Variants in LIMCH1 observed in about 807,000 individuals in gnomAD.
The protein encoded by LIMCH1 is LIM and calponin homology domains-containing protein 1.
LIMCH1 carries 113 observed loss-of-function variants against 176.5 expected under a neutral mutation model. The observed-to-expected ratio is 0.64, with a 90% CI of 0.55 to 0.75. The LOEUF (loss-of-function observed/expected upper bound fraction) is 0.75. Ranked by LOEUF, LIMCH1 falls within the 30% of genes least tolerant of loss-of-function variation. LIMCH1 has a pLI of 0.00. For missense variants in LIMCH1, 1,674 were observed against 1,814.9 expected (o/e 0.92, Z 1.41); for synonymous variants, 619 against 645.9 (o/e 0.96, Z 0.63).
intron 21 of LIMCH1, among the ~76,000 whole-genome samples, chr4:41,667,260 CTTTATTTTTTTTT>C (rs1262797499): frequency 6.6e-6 from 1 of 151,818 alleles, no homozygotes; most frequent in Non-Finnish European, 1.5e-5. Context: ...TGAGAAAAAG[CTTTATTTTTTTTT>C]ACTCCACAAT....
At chr4:41,528,805 A>G (rs1167219464) in intron 3 of LIMCH1, among the ~76,000 whole-genome samples, 1 of 152,240 alleles carries the variant, frequency 6.6e-6, no homozygotes, top group Non-Finnish European at 1.5e-5. Context: ...TCACATAGCA[A>G]TATCAAATTA....
At chr4:41,531,368 T>C (rs184661961) in intron 3 of LIMCH1, among the ~76,000 whole-genome samples, 219 of 151,920 alleles carry the variant, frequency 1.4e-3, no homozygotes, top group Middle Eastern at 6.8e-3. Flanking sequence ...AGCATTAGAA[T>C]TCTTTACTGG....
chr4:41,584,228 A>G (rs2152694143), intron 1 of LIMCH1, among the ~76,000 whole-genome samples: 1 of 152,312 alleles, frequency 6.6e-6, no homozygotes, highest in East Asian at 1.9e-4. Context: ...TGAAGTATGC[A>G]GAGATGAATC....
intron 1 of LIMCH1, among the ~76,000 whole-genome samples, chr4:41,478,435 A>G (rs1274722906): frequency 1.3e-5 from 2 of 152,168 alleles, no homozygotes; most frequent in Non-Finnish European, 2.9e-5. Flanking sequence ...TATGCTGAGC[A>G]TTTCACCATG....
intron 22 of LIMCH1, among the ~76,000 whole-genome samples, 170 bp from the exon 23 acceptor site, chr4:41,676,212 A>G (rs1490707999): frequency 6.6e-6 from 1 of 152,244 alleles, no homozygotes. Context: ...AAGAGGGACT[A>G]AGATTAAAAA....
intron 4 of LIMCH1, chr4:41,612,462 C>T (rs1162983382): frequency 1.4e-6 from 1 of 692,640 alleles, no homozygotes; most frequent in East Asian, 2.7e-5. Flanking sequence ...ATCCACAGTC[C>T]TAATTTTAAG....
At chr4:41,680,168 G>C in intron 24 of LIMCH1, 70 bp downstream of exon 24, 1 of 1,056,150 alleles carries the variant, frequency 9.5e-7, no homozygotes, top group Admixed American at 2.0e-5. Context: ...CACTCTCTGT[G>C]TCTGTGGCAT....
intron 1 of LIMCH1, among the ~76,000 whole-genome samples, chr4:41,466,434 G>C (rs1034087624): frequency 1.3e-5 from 2 of 152,216 alleles, no homozygotes; most frequent in African/African-American, 4.8e-5. Context: ...GTAATTATGT[G>C]CAATCAGATT....
intron 1 of LIMCH1, among the ~76,000 whole-genome samples, chr4:41,585,846 T>C (rs756458330): frequency 6.6e-6 from 1 of 152,210 alleles, no homozygotes; most frequent in African/African-American, 2.4e-5. Context: ...GTTACACAGT[T>C]CAGCACAATA....
chr4:41,515,537 T>C (rs750684033), intron 2 of LIMCH1, among the ~76,000 whole-genome samples: 1 of 152,210 alleles, frequency 6.6e-6, no homozygotes, highest in Admixed American at 6.5e-5. Flanking sequence ...ATGCCGGCCA[T>C]TGATGAAGTG....
chr4:41,477,775 G>A (rs1012017494), intron 1 of LIMCH1, among the ~76,000 whole-genome samples: 1 of 152,144 alleles, frequency 6.6e-6, no homozygotes, highest in African/African-American at 2.4e-5. Context: ...AGCCCCAGGT[G>A]CCACTGAGAG....
intron 1 of LIMCH1, among the ~76,000 whole-genome samples, chr4:41,411,007 T>G (rs1409409681): frequency 6.6e-6 from 1 of 152,208 alleles, no homozygotes; most frequent in Non-Finnish European, 1.5e-5. Context: ...CACCATCAGG[T>G]TATTTCTTCT....
At chr4:41,500,681 C>T (rs77993581) in intron 2 of LIMCH1, among the ~76,000 whole-genome samples, 9,495 of 152,250 alleles carry the variant, frequency 0.062, 335 homozygotes, top group Non-Finnish European at 0.07. Context: ...GGCCAATGTT[C>T]GGACAGAATC....
intron 1 of LIMCH1, among the ~76,000 whole-genome samples, chr4:41,365,068 C>T (rs2052767451): frequency 6.6e-6 from 1 of 152,178 alleles, no homozygotes; most frequent in South Asian, 2.1e-4. Context: ...AACAGATGTC[C>T]TTCGACTTGG....
intron 21 of LIMCH1, among the ~76,000 whole-genome samples, chr4:41,668,090 T>G (rs80306500): frequency 0.09 from 13,689 of 152,236 alleles, 746 homozygotes; most frequent in South Asian, 0.14. Context: ...CAGTGTGTTT[T>G]GTAGATTTAG....
chr4:41,679,869 A>G (rs1003565825), intron 23 of LIMCH1, 137 bp from the exon 24 acceptor site: 1 of 593,828 alleles, frequency 1.7e-6, no homozygotes, highest in Non-Finnish European at 3.0e-6. Context: ...TTTTTATTGC[A>G]TGAATCAATT....
At chr4:41,642,092 A>G (rs188888427) in intron 14 of LIMCH1, among the ~76,000 whole-genome samples, 197 of 152,260 alleles carry the variant, frequency 1.3e-3, no homozygotes, top group African/African-American at 4.5e-3. Flanking sequence ...ACCTGGATCT[A>G]TGGCCACCCA....
intron 1 of LIMCH1, chr4:41,453,579 A>C (rs985051542): frequency 6.6e-6 from 1 of 152,670 alleles, no homozygotes; most frequent in Non-Finnish European, 1.5e-5. Flanking sequence ...CTGAGGAGGA[A>C]GAGGAGGAGT....
chr4:41,558,496 A>G (rs1584078549), intron 1 of LIMCH1, among the ~76,000 whole-genome samples: 1 of 152,168 alleles, frequency 6.6e-6, no homozygotes, highest in Non-Finnish European at 1.5e-5. Flanking sequence ...CAGTCTGCCC[A>G]GCCTCATATC....
Sources: allele counts gnomAD v4.1 joint callset (sites outside exome capture counted in the v4.1 genomes callset), GRCh38; gene constraint gnomAD v4.1.1; transcripts MANE v1.5; gene names NCBI Gene and HGNC (gene_info 2026-07-23, HGNC 2026-07-21).